ERBB4: variants seen among roughly 807,000 people sequenced by gnomAD.
ERBB4 encodes receptor tyrosine-protein kinase erbB-4.
A neutral mutation model predicts 158.0 loss-of-function variants in ERBB4; 42 were observed. That is an observed-to-expected ratio of 0.27 (90% CI 0.21 to 0.34). The LOEUF (loss-of-function observed/expected upper bound fraction) is 0.34. Among genes scored for constraint, ERBB4 ranks in the 10% least tolerant of loss-of-function variants. The pLI, the probability that ERBB4 is intolerant of heterozygous loss-of-function variation, is 1.00. For synonymous variants in ERBB4, 583 were observed against 558.7 expected (o/e 1.04, Z -0.61); for missense variants, 1,333 against 1,624.1 (o/e 0.82, Z 3.08).
At chr2:212,100,058 C>A (rs2079040516) in intron 2 of ERBB4, among the ~76,000 whole-genome samples, 1 of 152,104 alleles carries the variant, frequency 6.6e-6, no homozygotes, top group Non-Finnish European at 1.5e-5. Flanking sequence ...GAACTGCAGG[C>A]AAAAGATTGT....
Position 211,376,374 on chromosome 2 carries a change from A to G in ERBB4, c.*7241T>C, listed in dbSNP as rs1177149659. 2 of 232,908 alleles carry G rather than the reference A, an allele frequency of 8.6e-6. No homozygotes were observed. Among genetic ancestry groups the G allele is most frequent in the African/African-American group, 2.2e-5 (1 of 45,316 alleles). The allele number at this position is 232,908 out of a possible 1,614,324, so 14.4% of individuals were successfully genotyped here. A position where few individuals can be genotyped will look rare whatever the true frequency, so the allele number is the denominator to read the frequency against. On this transcript the variant is annotated 3_prime_UTR_variant, in exon 28 of 28. Transcript: ENST00000342788. ...AACATTATACTTATTTACAAATGCA[A>G]CTAGCCATGTCTTTAACAAGCTATA...
At position 211,514,249 on chromosome 2, in the gene ERBB4, G is replaced by A. The variant is rs114572971; in HGVS notation, c.2487+47654C>T. Among the ~76,000 whole-genome samples the A allele has an allele frequency of 9.7e-3, 1,479 of 152,076 alleles. 15 individuals carry two copies. Among genetic ancestry groups the A allele is most frequent in the Non-Finnish European group, 0.015 (1,023 of 68,006 alleles). On this transcript the variant is annotated intron_variant, in intron 20 of 27. Transcript: ENST00000342788. Reference sequence around the variant, plus strand: ...AACACTAACAGCTAAGTTTTGTTTCGATGTTGCTTCTAAATATGAAACCTA... The same window carrying A: ...AACACTAACAGCTAAGTTTTGTTTCAATGTTGCTTCTAAATATGAAACCTA...
chr2:212,228,353 A>T (rs534022450), intron 1 of ERBB4, among the ~76,000 whole-genome samples: 1 of 152,306 alleles, frequency 6.6e-6, no homozygotes, highest in East Asian at 1.9e-4. Context: ...AAAGTGGTGA[A>T]GCCTCCTCAG....
At chr2:211,993,575 C>T (rs1559270112) in intron 2 of ERBB4, among the ~76,000 whole-genome samples, 2 of 150,730 alleles carry the variant, frequency 1.3e-5, no homozygotes, top group African/African-American at 4.9e-5. Context: ...CCCCAAATTG[C>T]TATTTTTTTT....
intron 20 of ERBB4, among the ~76,000 whole-genome samples, chr2:211,489,371 A>G (rs1322792192): frequency 6.6e-6 from 1 of 152,058 alleles, no homozygotes; most frequent in African/African-American, 2.4e-5. Flanking sequence ...TAATAGGCAT[A>G]TGACTTTAGG....
chr2:212,056,369 G>A (rs2077568906), intron 2 of ERBB4, among the ~76,000 whole-genome samples: 1 of 152,206 alleles, frequency 6.6e-6, no homozygotes, highest in Non-Finnish European at 1.5e-5. Context: ...GTATTATCCA[G>A]GAGAACTTCC....
At chr2:211,838,944 C>A (rs2077401561) in intron 3 of ERBB4, among the ~76,000 whole-genome samples, 1 of 151,692 alleles carries the variant, frequency 6.6e-6, no homozygotes, top group Admixed American at 6.6e-5. Flanking sequence ...TTGCTTACAG[C>A]AAGAAAAAAG....
Position 211,646,243 on chromosome 2 carries a change from A to G in ERBB4, c.1946+11511T>C, listed in dbSNP as rs1221834579. Among the ~76,000 whole-genome samples the G allele has an allele frequency of 3.3e-5, 5 of 151,522 alleles. No individual in the cohort carries two copies. In the South Asian group the frequency reaches 1.0e-3, roughly 31 times the overall value. On this transcript the variant is annotated intron_variant, in intron 16 of 27. Coordinates refer to ENST00000342788, the MANE Select transcript of ERBB4 (RefSeq NM_005235.3). ...CATAACATATACATTTCTATTTAATACTCTAAGCATGTATTACTTTTGTAA... is the reference window on the plus strand; with the variant it reads ...CATAACATATACATTTCTATTTAATGCTCTAAGCATGTATTACTTTTGTAA...
Position 211,383,786 on chromosome 2 carries a change from G to A in ERBB4, c.3756C>T (p.Thr1252=), listed in dbSNP as rs749563712. The stretch of plus-strand genomic sequence containing the variant: ...CCTGCAGGTAGTCTGGGTGCTGAAG[G>A]GTGCTCCGAGGTGGCAGGCTGTGGT... The part of the protein sequence containing the change: ...YWNHSLPPRS[T]LQHPDYLQEY... The change falls in exon 28 of 28, where the codon ACC becomes ACT. Residue 1252 remains threonine (T), a synonymous_variant. Transcript: ENST00000342788. 1 of 1,614,074 alleles carries A rather than the reference G, an allele frequency of 6.2e-7. No homozygotes were observed. Among genetic ancestry groups the A allele is most frequent in the Admixed American group, 1.7e-5 (1 of 60,002 alleles).
intron 1 of ERBB4, among the ~76,000 whole-genome samples, chr2:212,429,639 ATTCT>A (rs1004838591): frequency 2.0e-5 from 3 of 152,146 alleles, no homozygotes; most frequent in African/African-American, 7.2e-5. Flanking sequence ...TCCTATTATT[ATTCT>A]TTTTTGACAA....
chr2:211,722,044 G>A (rs912972193), intron 7 of ERBB4, among the ~76,000 whole-genome samples: 4 of 152,022 alleles, frequency 2.6e-5, no homozygotes, highest in South Asian at 2.1e-4. Flanking sequence ...TGTATTTTCT[G>A]TAGAGACGGG....
In ERBB4 at chr2:212,249,923, G is replaced by A. The variant is rs987342891; in HGVS notation, c.83-125020C>T. ...CTTGACAATGTCAAAGAGCTTATATGCAATTGGCAAGGGAACCAAAATCAG... is the reference window on the plus strand; with the variant it reads ...CTTGACAATGTCAAAGAGCTTATATACAATTGGCAAGGGAACCAAAATCAG... On this transcript the variant is annotated intron_variant, in intron 1 of 27. Coordinates refer to ENST00000342788, the MANE Select transcript of ERBB4 (RefSeq NM_005235.3). Among the ~76,000 whole-genome samples the A allele has an allele frequency of 8.5e-5, 13 of 152,070 alleles. No homozygotes were observed. The East Asian group carries it at 2.3e-3, about 27-fold the overall frequency.
chr2:211,722,263 G>T, intron 7 of ERBB4, 130 bp downstream of exon 7: 1 of 716,136 alleles, frequency 1.4e-6, no homozygotes, highest in Non-Finnish European at 2.4e-6. Context: ...ATAAAATGGG[G>T]GCAATAGTAT....
chr2:211,739,741 T>C (rs2074727280), intron 5 of ERBB4, among the ~76,000 whole-genome samples: 1 of 152,234 alleles, frequency 6.6e-6, no homozygotes, highest in Non-Finnish European at 1.5e-5. Context: ...AGTGTTGGGA[T>C]TACAGGCGTG....
intron 4 of ERBB4, among the ~76,000 whole-genome samples, chr2:211,783,186 TA>T (rs750064244): frequency 1.4e-4 from 21 of 152,220 alleles, no homozygotes; most frequent in Non-Finnish European, 2.8e-4. Flanking sequence ...TATTGATGTA[TA>T]AGAATGCTTG....
At chr2:211,847,632 AT>A (rs68030727) in intron 3 of ERBB4, among the ~76,000 whole-genome samples, 1 of 100,362 alleles carries the variant, frequency 1.0e-5, no homozygotes, top group Non-Finnish European at 2.2e-5. Flanking sequence ...AAACATTATG[AT>A]TTTTTTTTGC....
At chr2:211,987,330 C>CAAAAAAAAAAA (rs564412801) in intron 2 of ERBB4, among the ~76,000 whole-genome samples, 270 of 55,880 alleles carry the variant, frequency 4.8e-3, no homozygotes, top group East Asian at 0.013. Context: ...CAAGAAAAGA[C>CAAAAAAAAAAA]AAAAAAAAAA....
intron 20 of ERBB4, among the ~76,000 whole-genome samples, chr2:211,557,270 C>G (rs1249319462): frequency 6.6e-6 from 1 of 152,082 alleles, no homozygotes; most frequent in Non-Finnish European, 1.5e-5. Context: ...CAAGTGGGGT[C>G]TAATTAAATC....
chr2:211,610,642 T>C lies in ERBB4; in HGVS notation c.2301+8535A>G, dbSNP rs60246491. ...AAGAAATTGCACATGATTAGTTTAATTCTCTTTCAGCCCTATGTGGCATCA... is the reference window on the plus strand; with the variant it reads ...AAGAAATTGCACATGATTAGTTTAACTCTCTTTCAGCCCTATGTGGCATCA... On this transcript the variant is annotated intron_variant, in intron 19 of 27. Transcript: ENST00000342788. 4.1e-3 allele frequency among the ~76,000 whole-genome samples: 628 copies of C among 152,284 alleles called. 4 individuals carry two copies. Among genetic ancestry groups the C allele is most frequent in the African/African-American group, 0.014 (596 of 41,554 alleles).
Sources: gnomAD v4.1 joint callset for allele counts (sites outside exome capture counted in the v4.1 genomes callset) on GRCh38, gnomAD v4.1.1 for gene constraint, MANE v1.5 for transcripts, NCBI Gene and HGNC (gene_info 2026-07-23, HGNC 2026-07-21) for gene names.